PIEZO2: variants seen among roughly 807,000 people sequenced by gnomAD.
The protein encoded by PIEZO2 is piezo-type mechanosensitive ion channel component 2.
A neutral mutation model predicts 337.3 loss-of-function variants in PIEZO2; 172 were observed. The ratio of observed to expected loss-of-function variants is 0.51; its 90% CI spans 0.45 to 0.58. PIEZO2 has a LOEUF of 0.58. Among genes scored for constraint, PIEZO2 ranks in the 20% least tolerant of loss-of-function variants. The pLI is 0.00. For synonymous variants in PIEZO2, 1,251 were observed against 1,228.5 expected, an observed-to-expected ratio of 1.02 and a Z score of -0.38; for missense variants, 3,028 against 3,391.3, an observed-to-expected ratio of 0.89 and a Z score of 2.66.
chr18:10,857,039 G>A lies in PIEZO2; in HGVS notation c.665C>T (p.Ala222Val), dbSNP rs2041724819. The change falls in exon 6 of 56, where the codon GCT becomes GTT. Residue 222 changes from alanine (A) to valine (V), a missense_variant. Coordinates refer to ENST00000674853, the MANE Select transcript of PIEZO2 (RefSeq NM_001378183.1). ...TAAGATGGTAACAACGACTTTCCCA[G>A]CAGTGGTGATCATGTTGCCAATGAA... ...KEFIGNMITT[A>V]GKVVVTILLG... 1 of 1,537,354 alleles carries A rather than the reference G, an allele frequency of 6.5e-7. No homozygotes were observed. The highest frequency in any genetic ancestry group is 8.7e-7 in the Non-Finnish European group (1 of 1,146,932).
intron 5 of PIEZO2, among the ~76,000 whole-genome samples, chr18:10,866,836 C>A (rs1305453128): frequency 6.6e-6 from 1 of 152,218 alleles, no homozygotes; most frequent in Non-Finnish European, 1.5e-5. Context: ...GTCTCTTCTA[C>A]TGAAACTAAT....
chr18:11,090,944 G>A (rs913267213), intron 1 of PIEZO2, among the ~76,000 whole-genome samples: 1 of 150,264 alleles, frequency 6.7e-6, no homozygotes, highest in African/African-American at 2.5e-5. Flanking sequence ...TAGATGTGGG[G>A]CACATTGCTC....
intron 49 of PIEZO2, among the ~76,000 whole-genome samples, chr18:10,685,861 C>T (rs2034524577): frequency 6.6e-6 from 1 of 152,224 alleles, no homozygotes; most frequent in Admixed American, 6.5e-5. Flanking sequence ...ATGGAGAACG[C>T]AGGCTGCGGG....
rs1057141814 is a variant in PIEZO2 at position 10,800,752 on chromosome 18, A to C, written c.1240-277T>G. Reference sequence around the variant, plus strand: ...CGCACCTGCTGTCCTCAGTATGAAGAGCAAACTCTTGTAAATGGCTGAAGG... The same window carrying C: ...CGCACCTGCTGTCCTCAGTATGAAGCGCAAACTCTTGTAAATGGCTGAAGG... On this transcript the variant is annotated intron_variant, in intron 10 of 55. Transcript: ENST00000674853. Among the ~76,000 whole-genome samples, 5 of 152,300 alleles carry C rather than the reference A, an allele frequency of 3.3e-5. No homozygotes were observed. The South Asian group carries it at 8.3e-4, about 25-fold the overall frequency.
chr18:10,844,633 C>G (rs1683381), intron 7 of PIEZO2, among the ~76,000 whole-genome samples: 48,024 of 150,780 alleles, frequency 0.32, 8,254 homozygotes, highest in East Asian at 0.65. Context: ...CTAAAAAATA[C>G]AAAAAAATAG....
chr18:11,106,711 G>C (rs371080555), intron 1 of PIEZO2, among the ~76,000 whole-genome samples: 1 of 152,140 alleles, frequency 6.6e-6, no homozygotes, highest in East Asian at 1.9e-4. Context: ...ACTGCACCCA[G>C]CTTGGCAGTG....
chr18:10,784,746 C>G lies in PIEZO2; in HGVS notation c.2492+38G>C. 1 of 1,464,938 alleles carries G rather than the reference C, an allele frequency of 6.8e-7. No homozygotes were observed. The highest frequency in any genetic ancestry group is 2.2e-5 in the Admixed American group (1 of 44,548). 90.7% of individuals were successfully genotyped at this position (1,464,938 alleles called of 1,614,324 possible). ...AAGGTAGGGTTGAAGAGCTGCCTTC[C>G]TGCTAATAAGAGGTCTGTGTTTCTT... On this transcript the variant is annotated intron_variant, in intron 17 of 55. Coordinates refer to ENST00000674853, the MANE Select transcript of PIEZO2 (RefSeq NM_001378183.1). This position sits in a 1 kb window ranked among gnomAD's most constrained non-coding sequence, Gnocchi z 4.5.
intron 8 of PIEZO2, 105 bp from the exon 9 acceptor site, chr18:10,804,099 C>A: frequency 7.6e-7 from 1 of 1,320,828 alleles, no homozygotes; most frequent in South Asian, 1.5e-5. Context: ...GATGACTTTT[C>A]AAAGTGAATG....
intron 2 of PIEZO2, among the ~76,000 whole-genome samples, chr18:11,044,909 G>A (rs2037247580): frequency 6.6e-6 from 1 of 152,106 alleles, no homozygotes; most frequent in Admixed American, 6.6e-5. Context: ...AGCACTTTGG[G>A]AGGCCAAGGT....
At chr18:10,755,857 A>C (rs2037817623) in intron 27 of PIEZO2, among the ~76,000 whole-genome samples, 2 of 151,638 alleles carry the variant, frequency 1.3e-5, no homozygotes, top group African/African-American at 4.8e-5. Context: ...GAGATGAGGA[A>C]GACGAATGGA....
chr18:10,843,465 C>G (rs1314215899), intron 7 of PIEZO2, among the ~76,000 whole-genome samples: 1 of 152,014 alleles, frequency 6.6e-6, no homozygotes, highest in Admixed American at 6.6e-5. Flanking sequence ...AATTTACCAC[C>G]ACTAATTTGC....
chr18:11,021,042 C>T lies in PIEZO2; in HGVS notation c.161-41382G>A, dbSNP rs527795849. Among the ~76,000 whole-genome samples, 4 of 152,310 alleles carry T rather than the reference C, an allele frequency of 2.6e-5. No individual in the cohort carries two copies. In the East Asian group the frequency reaches 5.8e-4, roughly 22 times the overall value. ...TCCTGCTCAGCAGAAAAGCACTAAC[C>T]CTCATGGAGTCACTGTAGGAAGTGA... On this transcript the variant is annotated intron_variant, in intron 2 of 55. Transcript: ENST00000674853. This position sits in a 1 kb window ranked among gnomAD's most constrained non-coding sequence, Gnocchi z 4.7.
At chr18:10,769,428 T>G (rs2038503118) in intron 21 of PIEZO2, among the ~76,000 whole-genome samples, 1 of 152,210 alleles carries the variant, frequency 6.6e-6, no homozygotes, top group African/African-American at 2.4e-5. Flanking sequence ...AGTTTTAGGT[T>G]TGTAGTGTTG....
rs750272752 is a variant in PIEZO2 at position 11,001,864 on chromosome 18, C to T, written c.161-22204G>A. 5.9e-5 allele frequency among the ~76,000 whole-genome samples: 8 copies of T among 135,026 alleles called. No individual in the cohort carries two copies. The highest frequency in any genetic ancestry group is 8.6e-5 in the African/African-American group (3 of 34,750). The allele number at this position is 135,026 out of a possible 152,430, so 88.6% of individuals were successfully genotyped here. Reference sequence around the variant, plus strand: ...CTGTACTCCAGCCTGGGTGATAGAGCGAGATTCAAAAAAGAAAAAGGAGAA... The same window carrying T: ...CTGTACTCCAGCCTGGGTGATAGAGTGAGATTCAAAAAAGAAAAAGGAGAA... On this transcript the variant is annotated intron_variant, in intron 2 of 55. Transcript: ENST00000674853. This position sits in a 1 kb window ranked among gnomAD's most constrained non-coding sequence, Gnocchi z 5.3.
At chr18:10,671,987 A>G (rs1306649002) in intron 55 of PIEZO2, among the ~76,000 whole-genome samples, 1 of 152,204 alleles carries the variant, frequency 6.6e-6, no homozygotes, top group Admixed American at 6.6e-5. Flanking sequence ...GTATTACAGA[A>G]CTGTTAGACT....
chr18:11,087,423 A>G (rs907272130), intron 1 of PIEZO2, among the ~76,000 whole-genome samples: 15 of 152,152 alleles, frequency 9.9e-5, no homozygotes, highest in Non-Finnish European at 1.8e-4. Flanking sequence ...CTCCCAAGCA[A>G]TGCACTTGGC....
chr18:11,080,798 G>C lies in PIEZO2; in HGVS notation c.65-14576C>G, dbSNP rs9948639. Among the ~76,000 whole-genome samples the C allele has an allele frequency of 0.59, 89,955 of 152,036 alleles. 28,476 individuals are homozygous for C. The highest frequency in any genetic ancestry group is 0.83 in the African/African-American group (34,495 of 41,504). On this transcript the variant is annotated intron_variant, in intron 1 of 55. Transcript: ENST00000674853. The surrounding 1 kb of genome is among the most constrained non-coding windows in gnomAD (Gnocchi z 5.4). ...GGCGGAGGTCACGGTGAGCCAAGAT[G>C]GTGCCACTGCACCCCAGCCTGGCGA...
At chr18:10,906,496 C>T (rs1206099731) in intron 4 of PIEZO2, among the ~76,000 whole-genome samples, 1 of 151,982 alleles carries the variant, frequency 6.6e-6, no homozygotes, top group Non-Finnish European at 1.5e-5. Context: ...GACAAAAAAA[C>T]GCAGCCTTAG....
At chr18:10,764,985 T>C (rs2038291721) in intron 21 of PIEZO2, among the ~76,000 whole-genome samples, 1 of 152,268 alleles carries the variant, frequency 6.6e-6, no homozygotes, top group African/African-American at 2.4e-5. Flanking sequence ...ATTATGTATC[T>C]AAGGCCTTTA....
Sources: gnomAD v4.1 joint callset for allele counts (sites outside exome capture counted in the v4.1 genomes callset) on GRCh38, gnomAD v4.1.1 for gene constraint, Gnocchi (gnomAD v3.1) non-coding constraint, MANE v1.5 for transcripts, NCBI Gene and HGNC (gene_info 2026-07-23, HGNC 2026-07-21) for gene names.